Variants in CTNNA3 observed in about 807,000 individuals in gnomAD.
The protein encoded by CTNNA3 is catenin alpha 3, also known as catenin alpha-3.
CTNNA3 carries 76 observed loss-of-function variants against 95.7 expected under a neutral mutation model. That is an observed-to-expected ratio of 0.79 (90% CI 0.66 to 0.96). The LOEUF is 0.96. CTNNA3 is among the 40% of genes least tolerant of loss of function. The pLI, the probability that CTNNA3 is intolerant of heterozygous loss-of-function variation, is 0.00. For synonymous variants in CTNNA3, 431 were observed against 374.4 expected, an observed-to-expected ratio of 1.15 and a Z score of -1.74; for missense variants, 1,191 against 1,089.8, an observed-to-expected ratio of 1.09 and a Z score of -1.31.
At chr10:66,824,674 G>A (rs567578623) in intron 7 of CTNNA3, among the ~76,000 whole-genome samples, 1 of 152,296 alleles carries the variant, frequency 6.6e-6, no homozygotes, top group South Asian at 2.1e-4. Flanking sequence ...CAGACAGTAT[G>A]TGGGAAACAT....
At chr10:66,845,712 A>AAAAAAC (rs1554862151) in intron 7 of CTNNA3, among the ~76,000 whole-genome samples, 3 of 126,368 alleles carry the variant, frequency 2.4e-5, no homozygotes, top group African/African-American at 9.3e-5. Context: ...TCAAAAAAAA[A>AAAAAAC]AAAAAAAAAA....
intron 7 of CTNNA3, among the ~76,000 whole-genome samples, chr10:66,965,648 C>T (rs1458218763): frequency 6.6e-6 from 1 of 150,950 alleles, no homozygotes; most frequent in Non-Finnish European, 1.5e-5. Flanking sequence ...CGAACTTCCA[C>T]GTAGAGAAAA....
At chr10:67,212,240 C>A (rs1864169141) in intron 6 of CTNNA3, among the ~76,000 whole-genome samples, 1 of 151,864 alleles carries the variant, frequency 6.6e-6, no homozygotes, top group Non-Finnish European at 1.5e-5. Context: ...AAACAATATG[C>A]TCAGTAGCTT....
At chr10:65,929,457 A>T (rs1328937859) in intron 17 of CTNNA3, among the ~76,000 whole-genome samples, 1 of 152,206 alleles carries the variant, frequency 6.6e-6, no homozygotes, top group Non-Finnish European at 1.5e-5. Flanking sequence ...GCATAATTAC[A>T]ATACAAATAC....
chr10:67,675,795 A>G (rs906302902), intron 1 of CTNNA3, among the ~76,000 whole-genome samples: 2 of 152,178 alleles, frequency 1.3e-5, no homozygotes, highest in African/African-American at 4.8e-5. Context: ...ATGAATGTAA[A>G]CATACCCTGT....
chr10:66,410,839 G>A (rs537925740), intron 11 of CTNNA3, among the ~76,000 whole-genome samples: 72 of 152,192 alleles, frequency 4.7e-4, no homozygotes, highest in African/African-American at 1.6e-3. Context: ...TCTCATCCTG[G>A]TGTTGGTCAT....
intron 5 of CTNNA3, among the ~76,000 whole-genome samples, chr10:67,458,825 C>CAGGTA (rs1847267288): frequency 6.6e-6 from 1 of 152,158 alleles, no homozygotes; most frequent in African/African-American, 2.4e-5. Flanking sequence ...CACTTCCCAC[C>CAGGTA]AGGTTCCTCG....
intron 1 of CTNNA3, among the ~76,000 whole-genome samples, chr10:67,658,269 T>A (rs1840082703): frequency 6.6e-6 from 1 of 152,174 alleles, no homozygotes; most frequent in Non-Finnish European, 1.5e-5. Context: ...CTCAAAAGGA[T>A]CTTAAAGATT....
rs201719200 is a variant in CTNNA3, at chr10:67,579,437, T to C, written c.292+27420A>G. On this transcript the variant is annotated intron_variant, in intron 3 of 17. Coordinates refer to ENST00000433211, the MANE Select transcript of CTNNA3 (RefSeq NM_013266.4). ...CATGGGGTATATGTGCCACATTTTC[T>C]TAATCCAGTCTATCATTGTTGGACA... Among the ~76,000 whole-genome samples, 4,453 of 152,248 alleles carry C rather than the reference T, an allele frequency of 0.029. 466 individuals carry two copies. The East Asian group carries it at 0.37, about 13-fold the overall frequency.
chr10:67,567,366 A>G (rs1268351220), intron 3 of CTNNA3, among the ~76,000 whole-genome samples: 2 of 152,016 alleles, frequency 1.3e-5, no homozygotes, highest in East Asian at 3.9e-4. Context: ...GCATGCTTTC[A>G]TAAGTGGATG....
At chr10:67,003,894 A>G (rs1051814531) in intron 7 of CTNNA3, among the ~76,000 whole-genome samples, 3 of 152,218 alleles carry the variant, frequency 2.0e-5, no homozygotes, top group African/African-American at 7.2e-5. Flanking sequence ...AACGGAAGAG[A>G]ATAAACTGTG....
At chr10:66,261,623 T>C (rs1313796780) in intron 13 of CTNNA3, among the ~76,000 whole-genome samples, 1 of 152,076 alleles carries the variant, frequency 6.6e-6, no homozygotes, top group Non-Finnish European at 1.5e-5. Flanking sequence ...GGCTGCACTT[T>C]GACCCACTTC....
At chr10:66,267,889 G>A (rs537122972) in intron 13 of CTNNA3, among the ~76,000 whole-genome samples, 56 of 152,116 alleles carry the variant, frequency 3.7e-4, no homozygotes, top group African/African-American at 1.3e-3. Flanking sequence ...ATTAAAGTAT[G>A]GCAATTTAAT....
rs547067146 is a variant in CTNNA3, at chr10:66,559,635, A to AC, written c.1375-38863dup. ...CTTTCAGTTTCTTATGCCACCATGC[A>AC]CCCCCCGCTCGGGTATCACGACAGA... On this transcript the variant is annotated intron_variant, in intron 10 of 17. Transcript: ENST00000433211. 9.6e-4 allele frequency among the ~76,000 whole-genome samples: 145 copies of AC among 151,612 alleles called. 1 individual carries two copies. Among genetic ancestry groups the AC allele is most frequent in the African/African-American group, 3.2e-3 (134 of 41,326 alleles).
intron 7 of CTNNA3, among the ~76,000 whole-genome samples, chr10:66,823,639 C>T (rs1842379839): frequency 6.6e-6 from 1 of 152,110 alleles, no homozygotes; most frequent in Non-Finnish European, 1.5e-5. Flanking sequence ...GTTTATCATA[C>T]TAAGTATTAA....
At chr10:67,088,822 C>A (rs1450798216) in intron 7 of CTNNA3, among the ~76,000 whole-genome samples, 1 of 151,916 alleles carries the variant, frequency 6.6e-6, no homozygotes, top group Non-Finnish European at 1.5e-5. Flanking sequence ...ATATTGAGTT[C>A]CTGCCTTATT....
rs969805959 is a variant in CTNNA3, at chr10:67,349,780, T to C, written c.580-129910A>G. On this transcript the variant is annotated intron_variant, in intron 5 of 17. Coordinates refer to ENST00000433211, the MANE Select transcript of CTNNA3 (RefSeq NM_013266.4). ...CTGTAATGGCTATTCCAGGTTATCT[T>C]CCAGTAGGCTTTGCTAATTGATTTC... is the stretch of plus-strand genomic sequence containing the variant. Among the ~76,000 whole-genome samples, 9 of 152,124 alleles carry C rather than the reference T, an allele frequency of 5.9e-5. No individual in the cohort carries two copies. The East Asian group carries it at 1.4e-3, about 23-fold the overall frequency.
intron 7 of CTNNA3, among the ~76,000 whole-genome samples, chr10:67,029,418 C>T (rs1206532218): frequency 2.0e-5 from 3 of 152,096 alleles, no homozygotes; most frequent in Non-Finnish European, 4.4e-5. Flanking sequence ...GAGGTTAAAG[C>T]AGTTGGCATT....
At chr10:67,021,546 T>C (rs1232680171) in intron 7 of CTNNA3, among the ~76,000 whole-genome samples, 2 of 152,092 alleles carry the variant, frequency 1.3e-5, no homozygotes, top group African/African-American at 4.8e-5. Flanking sequence ...AAAAATTTGA[T>C]GGGTTGCTAT....
Sources: gnomAD v4.1 joint callset for allele counts (sites outside exome capture counted in the v4.1 genomes callset) on GRCh38, gnomAD v4.1.1 for gene constraint, MANE v1.5 for transcripts, NCBI Gene and HGNC (gene_info 2026-07-23, HGNC 2026-07-21) for gene names.